Variants in JAZF1 observed in about 807,000 individuals in gnomAD.
JAZF1 encodes the protein juxtaposed with another zinc finger protein 1.
A neutral mutation model predicts 26.4 loss-of-function variants in JAZF1; 8 were observed. That is an observed-to-expected ratio of 0.30 (90% CI 0.18 to 0.55). JAZF1 has a LOEUF of 0.55. JAZF1 is among the 20% of genes least tolerant of loss of function. The pLI, the probability that JAZF1 is intolerant of heterozygous loss-of-function variation, is 0.94. For missense variants in JAZF1, 199 were observed against 322.0 expected, an observed-to-expected ratio of 0.62 and a Z score of 2.92; for synonymous variants, 126 against 122.3, an observed-to-expected ratio of 1.03 and a Z score of -0.20.
intron 2 of JAZF1, among the ~76,000 whole-genome samples, chr7:27,912,748 G>C (rs1040705760): frequency 1.3e-5 from 2 of 152,072 alleles, no homozygotes; most frequent in Non-Finnish European, 2.9e-5. Context: ...ATGTGGCCCA[G>C]AGCATGTGGC....
Position 27,832,461 on chromosome 7 carries a change from TC to T in JAZF1, c.*338del. 4.3e-6 allele frequency: 1 copy of T among 234,914 alleles called. No individual in the cohort carries two copies. The allele number at this position is 234,914 out of a possible 1,614,324, so 14.6% of individuals were successfully genotyped here. On this transcript the variant is annotated 3_prime_UTR_variant, in exon 5 of 5. Transcript: ENST00000283928. ...AAAAAATCTCAGTGCCAGCCCCTCC[TC>T]CCCCCAGGTTGATACCACCGCAATA...
intron 2 of JAZF1, among the ~76,000 whole-genome samples, chr7:27,964,650 T>A (rs1240347006): frequency 1.3e-5 from 2 of 151,636 alleles, no homozygotes; most frequent in Admixed American, 1.3e-4. Flanking sequence ...GTTTTTTTTT[T>A]TAAAATGGCT....
intron 2 of JAZF1, among the ~76,000 whole-genome samples, chr7:27,983,017 C>T (rs558130480): frequency 6.6e-6 from 1 of 152,302 alleles, no homozygotes; most frequent in Admixed American, 6.5e-5. Flanking sequence ...GCTGAAAATT[C>T]TAAAAATCAG....
chr7:28,060,348 G>A (rs1783779343), intron 1 of JAZF1, among the ~76,000 whole-genome samples: 1 of 152,138 alleles, frequency 6.6e-6, no homozygotes, highest in Admixed American at 6.5e-5. Context: ...TGTTCATAAT[G>A]ATTTATTTTT....
chr7:28,077,173 G>A (rs1036715584), intron 1 of JAZF1, among the ~76,000 whole-genome samples: 4 of 152,068 alleles, frequency 2.6e-5, no homozygotes, highest in African/African-American at 7.2e-5. Flanking sequence ...TGACTAAATC[G>A]GAACTATACA....
At chr7:28,002,329 G>A (rs1174979988) in intron 1 of JAZF1, among the ~76,000 whole-genome samples, 1 of 152,126 alleles carries the variant, frequency 6.6e-6, no homozygotes, top group East Asian at 1.9e-4. Context: ...AAAGACGGGG[G>A]GGAAAAAAGA....
At chr7:28,156,498 C>T (rs539847096) in intron 1 of JAZF1, among the ~76,000 whole-genome samples, 14 of 152,302 alleles carry the variant, frequency 9.2e-5, no homozygotes, top group Non-Finnish European at 4.4e-5. Context: ...TTTGTTGATT[C>T]CCCAGAAAGC....
chr7:28,025,261 A>G (rs1404966558), intron 1 of JAZF1, among the ~76,000 whole-genome samples: 1 of 151,530 alleles, frequency 6.6e-6, no homozygotes, highest in African/African-American at 2.4e-5. Flanking sequence ...CTCATACTTA[A>G]CAACAACCCA....
At chr7:28,079,360 C>G (rs983601170) in intron 1 of JAZF1, among the ~76,000 whole-genome samples, 2 of 152,146 alleles carry the variant, frequency 1.3e-5, no homozygotes, top group African/African-American at 4.8e-5. Context: ...CAGCAACCAC[C>G]TTCACTTGGA....
intron 1 of JAZF1, among the ~76,000 whole-genome samples, chr7:27,999,677 T>C (rs1185525455): frequency 2.0e-5 from 3 of 152,086 alleles, no homozygotes; most frequent in Non-Finnish European, 4.4e-5. Flanking sequence ...AGGAACCAGA[T>C]CTTAGAGGCC....
intron 1 of JAZF1, among the ~76,000 whole-genome samples, chr7:28,161,006 T>C (rs1303571409): frequency 2.6e-5 from 4 of 152,082 alleles, no homozygotes; most frequent in African/African-American, 4.8e-5. Flanking sequence ...GATCTCAACG[T>C]CTAAGTCTGA....
chr7:27,892,361 CAGAA>C (rs1191603977), intron 3 of JAZF1, among the ~76,000 whole-genome samples: 2 of 152,170 alleles, frequency 1.3e-5, no homozygotes, highest in African/African-American at 4.8e-5. Flanking sequence ...GGCAAGGTGT[CAGAA>C]AGATTTCTTT....
chr7:27,899,588 C>A (rs933899324), intron 2 of JAZF1, among the ~76,000 whole-genome samples: 5 of 152,116 alleles, frequency 3.3e-5, no homozygotes, highest in African/African-American at 1.2e-4. Flanking sequence ...GCACGCCCCC[C>A]CATGCCCAGG....
At chr7:28,047,364 T>A (rs1783513805) in intron 1 of JAZF1, among the ~76,000 whole-genome samples, 1 of 152,128 alleles carries the variant, frequency 6.6e-6, no homozygotes, top group Non-Finnish European at 1.5e-5. Context: ...TTTAAAGTTG[T>A]AAAAAGAAAT....
intron 1 of JAZF1, among the ~76,000 whole-genome samples, chr7:28,064,263 C>A (rs1783845131): frequency 1.3e-5 from 2 of 151,902 alleles, no homozygotes; most frequent in South Asian, 4.1e-4. Flanking sequence ...AAACATATTT[C>A]AAACCTCATC....
intron 1 of JAZF1, among the ~76,000 whole-genome samples, chr7:28,102,475 A>G (rs1784488118): frequency 6.6e-6 from 1 of 152,228 alleles, no homozygotes; most frequent in African/African-American, 2.4e-5. Flanking sequence ...TCTTATCACC[A>G]TGACCTTGCA....
At chr7:27,879,745 C>G (rs571000838) in intron 3 of JAZF1, among the ~76,000 whole-genome samples, 1 of 152,002 alleles carries the variant, frequency 6.6e-6, no homozygotes, top group Non-Finnish European at 1.5e-5. Flanking sequence ...AGAAAATATA[C>G]TTGAATGAGA....
intron 3 of JAZF1, among the ~76,000 whole-genome samples, chr7:27,870,421 C>T (rs950059843): frequency 9.9e-5 from 15 of 152,046 alleles, no homozygotes; most frequent in African/African-American, 3.6e-4. Context: ...TGGGCTGGGA[C>T]CCTGTTTGAT....
At chr7:28,026,048 G>C (rs2128373842) in intron 1 of JAZF1, among the ~76,000 whole-genome samples, 1 of 152,242 alleles carries the variant, frequency 6.6e-6, no homozygotes, top group South Asian at 2.1e-4. Flanking sequence ...TCCAGGTCTG[G>C]CCATGGCAAA....
Sources: gnomAD v4.1 joint callset for allele counts (sites outside exome capture counted in the v4.1 genomes callset) on GRCh38, gnomAD v4.1.1 for gene constraint, MANE v1.5 for transcripts, NCBI Gene and HGNC (gene_info 2026-07-23, HGNC 2026-07-21) for gene names.